Variants in ZNF521 observed in about 807,000 individuals in gnomAD.
ZNF521 encodes the protein zinc finger protein 521, also known as LYST-interacting protein 3.
In ZNF521, 14 loss-of-function variants were observed where a neutral mutation model predicts 105.5. The ratio of observed to expected loss-of-function variants is 0.13; its 90% CI spans 0.09 to 0.21. ZNF521 has a LOEUF of 0.21. Ranked by LOEUF, ZNF521 falls within the 10% of genes least tolerant of loss-of-function variation. ZNF521 has a pLI of 1.00. For synonymous variants in ZNF521, 635 were observed against 606.0 expected, an observed-to-expected ratio of 1.05 and a Z score of -0.70; for missense variants, 1,233 against 1,629.7, an observed-to-expected ratio of 0.76 and a Z score of 4.19.
intron 3 of ZNF521, among the ~76,000 whole-genome samples, chr18:25,305,057 C>T (rs773572704): frequency 3.9e-5 from 6 of 152,146 alleles, no homozygotes; most frequent in Non-Finnish European, 8.8e-5. Flanking sequence ...AGGCAGTTAT[C>T]TTTATGGTCA....
chr18:25,316,941 G>A (rs558736413), intron 3 of ZNF521, among the ~76,000 whole-genome samples: 18 of 146,460 alleles, frequency 1.2e-4, no homozygotes, highest in African/African-American at 4.5e-4. Flanking sequence ...TGCAACCTCC[G>A]CCTCCTGGGT....
chr18:25,311,230 C>T (rs571458705), intron 3 of ZNF521, among the ~76,000 whole-genome samples: 1 of 152,110 alleles, frequency 6.6e-6, no homozygotes, highest in African/African-American at 2.4e-5. Context: ...AGACAAGATC[C>T]CCAAACACAG....
At chr18:25,294,809 C>T (rs992130363) in intron 3 of ZNF521, among the ~76,000 whole-genome samples, 16 of 119,832 alleles carry the variant, frequency 1.3e-4, no homozygotes, top group Admixed American at 3.6e-4. Flanking sequence ...GAGCCAAGAT[C>T]GTGCCACTGC....
intron 2 of ZNF521, among the ~76,000 whole-genome samples, chr18:25,347,247 G>A (rs886079037): frequency 2.0e-5 from 3 of 152,158 alleles, no homozygotes; most frequent in African/African-American, 4.8e-5. Context: ...AAATGGGGCA[G>A]AAAGAGTGAC....
At chr18:25,191,987 C>T (rs1035204322) in intron 5 of ZNF521, among the ~76,000 whole-genome samples, 1 of 152,090 alleles carries the variant, frequency 6.6e-6, no homozygotes, top group African/African-American at 2.4e-5. Context: ...CAAAAGCCAA[C>T]ATAAACTATG....
chr18:25,303,711 C>T (rs1292713792), intron 3 of ZNF521, among the ~76,000 whole-genome samples: 1 of 152,146 alleles, frequency 6.6e-6, no homozygotes, highest in East Asian at 1.9e-4. Context: ...CATCTAAGCT[C>T]ATAGATCAAA....
intron 1 of ZNF521, 95 bp downstream of exon 1, chr18:25,351,910 G>T: frequency 3.6e-6 from 1 of 281,232 alleles, no homozygotes; most frequent in South Asian, 3.1e-5. Context: ...CAGCGGCGGC[G>T]GCAGCGGCGG....
At chr18:25,202,315 A>C (rs2036006512) in intron 4 of ZNF521, 2 of 152,368 alleles carry the variant, frequency 1.3e-5, no homozygotes, top group Admixed American at 6.5e-5. Context: ...AGAATAATCA[A>C]ATAAAAAACC....
chr18:25,333,491 A>G (rs1422440114), intron 2 of ZNF521, among the ~76,000 whole-genome samples: 3 of 152,092 alleles, frequency 2.0e-5, no homozygotes, highest in Non-Finnish European at 4.4e-5. Context: ...AATCCAACAC[A>G]TTTGAAACCT....
intron 3 of ZNF521, among the ~76,000 whole-genome samples, chr18:25,242,833 G>A (rs890732417): frequency 1.3e-5 from 2 of 152,180 alleles, no homozygotes; most frequent in Admixed American, 1.3e-4. Flanking sequence ...AGGGGTTGGG[G>A]AATGTCAAAG....
intron 5 of ZNF521, among the ~76,000 whole-genome samples, chr18:25,167,233 T>C (rs2035359677): frequency 1.3e-5 from 2 of 152,230 alleles, no homozygotes; most frequent in Admixed American, 6.5e-5. Flanking sequence ...CAGATTCACA[T>C]TCACAATTTT....
intron 2 of ZNF521, among the ~76,000 whole-genome samples, chr18:25,336,279 A>C (rs1337569503): frequency 6.6e-6 from 1 of 152,248 alleles, no homozygotes; most frequent in Non-Finnish European, 1.5e-5. Flanking sequence ...GGTGATGCAG[A>C]AAATCATCCC....
rs567067741 is a variant in ZNF521, at chr18:25,227,189, C to A, written c.729G>T (p.Lys243Asn). 6.2e-7 allele frequency: 1 copy of A among 1,614,150 alleles called. No individual in the cohort carries two copies. Among genetic ancestry groups the A allele is most frequent in the South Asian group, 1.1e-5 (1 of 91,080 alleles). ...SGSRMEDWKM[K>N]DTQKCSQCEE... ...CACACTGACTGCACTTCTGAGTGTC[C>A]TTCATCTTCCAGTCCTCCATCCTGG... Residue 243 changes from lysine to asparagine, a missense_variant, in exon 4 of 8, where the codon AAG (lysine) becomes AAT (asparagine). By Grantham distance (94) the Lys-to-Asn change is moderately conservative. Coordinates refer to ENST00000361524, the MANE Select transcript of ZNF521 (RefSeq NM_015461.3). The surrounding 1 kb of genome is among the most constrained non-coding windows in gnomAD (Gnocchi z 5.7).
chr18:25,141,767 C>T (rs1421335211), intron 5 of ZNF521, among the ~76,000 whole-genome samples: 2 of 152,014 alleles, frequency 1.3e-5, no homozygotes, highest in African/African-American at 4.8e-5. Flanking sequence ...ATGATTACTC[C>T]ATGCTCAGCT....
At chr18:25,136,780 T>C (rs1171515015) in intron 5 of ZNF521, 1 of 152,188 alleles carries the variant, frequency 6.6e-6, no homozygotes, top group African/African-American at 2.4e-5. Context: ...CATTAGATTA[T>C]GTTGAAATAT....
In ZNF521 at chr18:25,250,665, T is replaced by C. The variant is rs145737702; in HGVS notation, c.221-22968A>G. On this transcript the variant is annotated intron_variant, in intron 3 of 7. Coordinates refer to ENST00000361524, the MANE Select transcript of ZNF521 (RefSeq NM_015461.3). ...TGAACTCCGATGTTATCATTCCCTT[T>C]TGAAAAATGCCCGAGAATTTAGGAA... 1.0e-3 allele frequency among the ~76,000 whole-genome samples: 152 copies of C among 152,328 alleles called. 1 individual carries two copies. Among genetic ancestry groups the C allele is most frequent in the African/African-American group, 3.3e-3 (136 of 41,578 alleles).
chr18:25,315,273 G>C (rs973132857), intron 3 of ZNF521, among the ~76,000 whole-genome samples: 2 of 152,182 alleles, frequency 1.3e-5, no homozygotes, highest in Admixed American at 6.5e-5. Flanking sequence ...AAATTGAAGA[G>C]AGGGACTTAA....
chr18:25,303,124 C>T (rs1358765399), intron 3 of ZNF521, among the ~76,000 whole-genome samples: 2 of 152,068 alleles, frequency 1.3e-5, no homozygotes, highest in Non-Finnish European at 2.9e-5. Context: ...CCCACTGTAG[C>T]CTATTTGACA....
At chr18:25,094,226 C>G (rs1223581699) in intron 5 of ZNF521, among the ~76,000 whole-genome samples, 1 of 152,026 alleles carries the variant, frequency 6.6e-6, no homozygotes, top group East Asian at 1.9e-4. Context: ...TTAGGATGTT[C>G]TGTAATGTAA....
Sources: allele counts gnomAD v4.1 joint callset (sites outside exome capture counted in the v4.1 genomes callset), GRCh38; gene constraint gnomAD v4.1.1; non-coding constraint Gnocchi (gnomAD v3.1); transcripts MANE v1.5; gene names NCBI Gene and HGNC (gene_info 2026-07-23, HGNC 2026-07-21).